The following ZNF568 variants were observed in gnomAD, a reference collection of about 807,000 sequenced individuals.
ZNF568 encodes the protein p53 inhibitor of SCO2 activation.
ZNF568 carries 11 observed loss-of-function variants against 18.1 expected under a neutral mutation model. The ratio of observed to expected loss-of-function variants is 0.61; its 90% CI spans 0.38 to 1.00. The LOEUF is 1.00. ZNF568 is among the 50% of genes least tolerant of loss of function. The probability of loss-of-function intolerance (pLI) is 0.01; values close to 1 mark genes in which losing one functional copy is unlikely to be tolerated. For missense variants in ZNF568, 639 were observed against 768.2 expected, an observed-to-expected ratio of 0.83 and a Z score of 1.99; for synonymous variants, 213 against 246.6, an observed-to-expected ratio of 0.86 and a Z score of 1.28.
intron 6 of ZNF568, among the ~76,000 whole-genome samples, chr19:36,948,658 ATTTTT>A (rs4069585): frequency 0.063 from 5,231 of 83,542 alleles, 175 homozygotes; most frequent in African/African-American, 0.12. Context: ...TTTGTTGTTG[ATTTTT>A]TTTTTTTTTT....
chr19:36,961,387 C>T (rs192353122), intron 6 of ZNF568, among the ~76,000 whole-genome samples: 79 of 149,644 alleles, frequency 5.3e-4, no homozygotes, highest in African/African-American at 1.4e-3. Flanking sequence ...TTTTTCCATC[C>T]TTTTACTTTC....
rs560305282 is a variant in ZNF568, at chr19:36,931,220, A to G, written c.136-5526A>G. ...CACATGAGCCAAGGTAAAGGGTGTA[A>G]GCAAATTTCAGGCCTTTGCTCACAT... On this transcript the variant is annotated intron_variant, in intron 4 of 6. Transcript: ENST00000333987. Among the ~76,000 whole-genome samples, 3 of 152,316 alleles carry G rather than the reference A, an allele frequency of 2.0e-5. No homozygotes were observed. The South Asian group carries it at 6.2e-4, about 32-fold the overall frequency.
At chr19:36,943,770 G>A (rs913265926) in intron 6 of ZNF568, among the ~76,000 whole-genome samples, 4 of 151,768 alleles carry the variant, frequency 2.6e-5, no homozygotes, top group South Asian at 2.1e-4. Flanking sequence ...ATTGGGTTTC[G>A]CCATGTTGGC....
At chr19:36,968,393 T>C (rs548227617) in intron 6 of ZNF568, among the ~76,000 whole-genome samples, 16 of 151,570 alleles carry the variant, frequency 1.1e-4, no homozygotes, top group Non-Finnish European at 2.1e-4. Flanking sequence ...GCCAACATGG[T>C]GAAACCCCAT....
rs1489484413 is a variant in ZNF568 at position 36,950,962 on chromosome 19, A to G, written c.1809A>G (p.Ile603Met). Residue 603 changes from isoleucine (I) to methionine (M), a missense_variant, in exon 7 of 7, where the codon ATA becomes ATG. Ile to Met is a conservative substitution (Grantham distance 10, BLOSUM62 1). Coordinates refer to ENST00000333987, the MANE Select transcript of ZNF568 (RefSeq NM_198539.4). The stretch of plus-strand genomic sequence containing the variant: ...TTTCTCAGTGCTCATTACTTATTAT[A>G]CATATGAGAAGTCATACTGGTGAGA... ...KAFSQCSLLI[I>M]HMRSHTGEKP... is the part of the protein sequence containing the mutation. The G allele has an allele frequency of 6.2e-7, 1 of 1,613,732 alleles. No individual in the cohort carries two copies. The highest frequency in any genetic ancestry group is 8.5e-7 in the Non-Finnish European group (1 of 1,179,930).
At chr19:36,960,110 C>CTTTTTTTTTTT (rs34588591) in intron 6 of ZNF568, among the ~76,000 whole-genome samples, 6 of 87,664 alleles carry the variant, frequency 6.8e-5, no homozygotes, top group Admixed American at 1.4e-4. Flanking sequence ...AATTGTTCTA[C>CTTTTTTTTTTT]TTTTTTTTTT....
In ZNF568 at chr19:36,994,038, T is replaced by A. The variant is rs182126314; in HGVS notation, c.229+2192T>A. Among the ~76,000 whole-genome samples the A allele has an allele frequency of 5.9e-5, 9 of 151,906 alleles. No individual in the cohort carries two copies. The East Asian group carries it at 1.3e-3, about 23-fold the overall frequency. On this transcript the variant is annotated intron_variant, in intron 4 of 4. Transcript: ENST00000433993. Reference sequence around the variant, plus strand: ...CTCTGTTTTTTTTTCTTTTTTTTTTTAATATAGGTGTTTTTAGCTGTAAAT... The same window carrying A: ...CTCTGTTTTTTTTTCTTTTTTTTTTAAATATAGGTGTTTTTAGCTGTAAAT...
At chr19:36,918,375 C>T (rs2073390521) in intron 2 of ZNF568, among the ~76,000 whole-genome samples, 1 of 152,188 alleles carries the variant, frequency 6.6e-6, no homozygotes, top group Non-Finnish European at 1.5e-5. Flanking sequence ...CAAGTCCCTA[C>T]ATCCTTCTTT....
intron 4 of ZNF568, among the ~76,000 whole-genome samples, chr19:36,933,911 GTTTTGTTTTTTTGTTTTTTT>G (rs2073738232): frequency 1.8e-5 from 1 of 54,726 alleles, no homozygotes; most frequent in African/African-American, 1.4e-4. Context: ...TTTTTTTTTT[GTTTTGTTTTTTTGTTTTTTT>G]TTTTTTTTTT....
intron 4 of ZNF568, chr19:36,996,268 G>A: frequency 7.3e-7 from 1 of 1,372,126 alleles, no homozygotes; most frequent in Non-Finnish European, 9.7e-7. Flanking sequence ...ACTTTTCTTT[G>A]TCCTGCAATG....
intron 4 of ZNF568, among the ~76,000 whole-genome samples, chr19:36,995,784 C>T (rs1420175712): frequency 6.6e-6 from 1 of 152,108 alleles, no homozygotes; most frequent in African/African-American, 2.4e-5. Flanking sequence ...TTAATACTAG[C>T]TTAACTTTAA....
chr19:36,972,257 G>GT (rs2074242179), intron 6 of ZNF568, among the ~76,000 whole-genome samples: 1 of 151,966 alleles, frequency 6.6e-6, no homozygotes, highest in Non-Finnish European at 1.5e-5. Flanking sequence ...ACTAAAATTG[G>GT]TTTATTTTAG....
At chr19:36,983,732 A>C (rs1435072174), downstream of ZNF568, among the ~76,000 whole-genome samples, 1 of 151,964 alleles carries the variant, frequency 6.6e-6, no homozygotes, top group Non-Finnish European at 1.5e-5. Context: ...TCATTTATGC[A>C]TATGTGTATG....
At chr19:36,986,489 ATTACT>A (rs1486979955) in intron 2 of ZNF568, among the ~76,000 whole-genome samples, 1 of 152,150 alleles carries the variant, frequency 6.6e-6, no homozygotes, top group Non-Finnish European at 1.5e-5. Flanking sequence ...TCTGCTGAAG[ATTACT>A]TTACTTCTCT....
downstream of ZNF568, chr19:36,997,383 G>C (rs750261440): frequency 1.3e-6 from 2 of 1,590,768 alleles, no homozygotes; most frequent in Non-Finnish European, 1.7e-6. Flanking sequence ...AACCCTATGA[G>C]TGTAAGGAAT....
At chr19:36,937,367 G>A (rs1411002486) in intron 6 of ZNF568, 125 bp downstream of exon 6, 30 of 649,020 alleles carry the variant, frequency 4.6e-5, no homozygotes, top group Non-Finnish European at 7.7e-5. Context: ...TGACAAATGG[G>A]ATGGAGTGCT....
intron 6 of ZNF568, among the ~76,000 whole-genome samples, chr19:36,972,508 G>C (rs1416065266): frequency 7.0e-6 from 1 of 142,654 alleles, no homozygotes; most frequent in Non-Finnish European, 1.5e-5. Context: ...TCGTTTCCCA[G>C]ACACCCTCCA....
chr19:36,948,031 T>C (rs185162442), intron 6 of ZNF568, among the ~76,000 whole-genome samples: 163 of 152,338 alleles, frequency 1.1e-3, no homozygotes, highest in African/African-American at 3.7e-3. Context: ...GGGTCACTCC[T>C]GGTGTTGTAC....
chr19:36,937,925 A>G (rs2073817147), intron 6 of ZNF568, among the ~76,000 whole-genome samples: 1 of 152,176 alleles, frequency 6.6e-6, no homozygotes, highest in Admixed American at 6.6e-5. Flanking sequence ...TTTGTGCAAA[A>G]GTAAATCTTC....
Sources: gnomAD v4.1 joint callset for allele counts (sites outside exome capture counted in the v4.1 genomes callset) on GRCh38, gnomAD v4.1.1 for gene constraint, MANE v1.5 for transcripts, NCBI Gene and HGNC (gene_info 2026-07-23, HGNC 2026-07-21) for gene names.